Variants in CYP2E1 observed in about 807,000 individuals in gnomAD.
The protein encoded by CYP2E1 is cytochrome P450 2E1.
In CYP2E1, 31 loss-of-function variants were observed where a neutral mutation model predicts 42.9. That is an observed-to-expected ratio of 0.72 (90% CI 0.54 to 0.98). CYP2E1 has a LOEUF of 0.98. Ranked by LOEUF, CYP2E1 falls within the 50% of genes least tolerant of loss-of-function variation. The probability of loss-of-function intolerance (pLI) is 0.00; values close to 1 mark genes in which losing one functional copy is unlikely to be tolerated. For missense variants in CYP2E1, 565 were observed against 633.2 expected (o/e 0.89, Z 1.16); for synonymous variants, 244 against 248.9 (o/e 0.98, Z 0.19).
chr10:133,537,517 A>G (rs994756063), intron 7 of CYP2E1: 11 of 597,076 alleles, frequency 1.8e-5, no homozygotes, highest in African/African-American at 7.4e-5. Context: ...CCAGGAACAA[A>G]CTATCACAAC....
At chr10:133,528,720 TG>T in intron 2 of CYP2E1, 80 bp downstream of exon 2, 1 of 1,525,396 alleles carries the variant, frequency 6.6e-7, no homozygotes. Flanking sequence ...ACGTCGGCGA[TG>T]GCCAAATAAT....
At chr10:133,533,439 G>T (rs982174328) in intron 5 of CYP2E1, among the ~76,000 whole-genome samples, 1 of 152,234 alleles carries the variant, frequency 6.6e-6, no homozygotes, top group African/African-American at 2.4e-5. Context: ...CCCTGTAGCA[G>T]GAGGGGTTAG....
At position 133,538,985 on chromosome 10, in the gene CYP2E1, A is replaced by T; in HGVS notation, c.*21A>T. 1 of 1,544,384 alleles carries T rather than the reference A, an allele frequency of 6.5e-7. No homozygotes were observed. The highest frequency in any genetic ancestry group is 1.3e-5 in the South Asian group (1 of 79,818). Reference sequence around the variant, plus strand: ...CATGAGTGTGTGGAGGACACCCTGAACCCCCCGCTTTCAAACAAGTTTTCA... The same window carrying T: ...CATGAGTGTGTGGAGGACACCCTGATCCCCCCGCTTTCAAACAAGTTTTCA... On this transcript the variant is annotated 3_prime_UTR_variant, in exon 9 of 9. Coordinates refer to ENST00000252945, the MANE Select transcript of CYP2E1 (RefSeq NM_000773.4).
chr10:133,538,678 T>G, intron 8 of CYP2E1, 102 bp from the exon 9 acceptor site: 1 of 1,024,342 alleles, frequency 9.8e-7, no homozygotes, highest in Non-Finnish European at 1.5e-6. Flanking sequence ...GATGGCCGTT[T>G]GCCCACAGCC....
In CYP2E1 at chr10:133,528,604, G is replaced by A; in HGVS notation, c.301G>A (p.Gly101Ser). The A allele has an allele frequency of 1.9e-6, 3 of 1,613,428 alleles. No individual in the cohort carries two copies. The highest frequency in any genetic ancestry group is 2.2e-5 in the East Asian group (1 of 44,850). ...LDYKDEFSGR[G>S]DLPAFHAHRD... The stretch of plus-strand genomic sequence containing the variant: ...CTACAAGGACGAGTTCTCGGGCAGA[G>A]GCGACCTCCCCGCGTTCCATGCGCA... Residue 101 changes from glycine to serine, a missense_variant, in exon 2 of 9, where the codon GGC (glycine) becomes AGC (serine). Coordinates refer to ENST00000252945, the MANE Select transcript of CYP2E1 (RefSeq NM_000773.4).
intron 2 of CYP2E1, among the ~76,000 whole-genome samples, chr10:133,530,100 G>A (rs550735331): frequency 1.1e-4 from 17 of 152,234 alleles, no homozygotes; most frequent in Middle Eastern, 3.4e-3. Flanking sequence ...CCTCTGCCTG[G>A]AGGGTCTAAA....
At chr10:133,535,931 G>A (rs1004620526) in intron 6 of CYP2E1, among the ~76,000 whole-genome samples, 5 of 152,138 alleles carry the variant, frequency 3.3e-5, no homozygotes, top group Non-Finnish European at 5.9e-5. Context: ...TTGCAGCTTG[G>A]TTTTTTCACT....
At chr10:133,530,748 C>G (rs983641869) in intron 2 of CYP2E1, among the ~76,000 whole-genome samples, 1 of 151,938 alleles carries the variant, frequency 6.6e-6, no homozygotes, top group Admixed American at 6.6e-5. Flanking sequence ...AGACGGAGAG[C>G]GAGGGAGAGA....
Position 133,527,371 on chromosome 10 carries a change from C to T in CYP2E1, c.-25C>T, listed in dbSNP as rs577328423. ...CGTTTCCACAGGATTGTCTCCCGGG[C>T]TGGCAGCAGGGCCCCAGCGGCACCA... On this transcript the variant is annotated 5_prime_UTR_variant, in exon 1 of 9. Coordinates refer to ENST00000252945, the MANE Select transcript of CYP2E1 (RefSeq NM_000773.4). The T allele has an allele frequency of 7.6e-6, 12 of 1,583,358 alleles. No individual in the cohort carries two copies. The East Asian group carries it at 1.4e-4, about 18-fold the overall frequency.
chr10:133,529,159 A>G (rs1851308681), intron 2 of CYP2E1, among the ~76,000 whole-genome samples: 1 of 152,200 alleles, frequency 6.6e-6, no homozygotes, highest in Admixed American at 6.5e-5. Context: ...GAAGAGACCC[A>G]CTGAAATCCT....
At position 133,537,942 on chromosome 10, in the gene CYP2E1, C is replaced by G. The variant is rs747625913; in HGVS notation, c.1297+50C>G. 3.8e-6 allele frequency: 6 copies of G among 1,571,866 alleles called. No homozygotes were observed. In the Middle Eastern group the frequency reaches 5.1e-4, roughly 133 times the overall value. On this transcript the variant is annotated intron_variant, in intron 8 of 8. Coordinates refer to ENST00000252945, the MANE Select transcript of CYP2E1 (RefSeq NM_000773.4). ...TTCCCTTGAGGAGCAGCCCACACTC[C>G]TCATCTCCCCTCCACATGTGCTCTG...
chr10:133,538,952 T>TCC lies in CYP2E1; in HGVS notation c.1473_1474dup (p.Arg492ProfsTer48). 1 of 1,612,466 alleles carries TCC rather than the reference T, an allele frequency of 6.2e-7. No individual in the cohort carries two copies. The highest frequency in any genetic ancestry group is 1.1e-5 in the South Asian group (1 of 90,842). Reference sequence around the variant, plus strand: ...CACCACGTTACAAACTCTGTGTCATTCCCCGCTCATGAGTGTGTGGAGGAC... The same window carrying TCC: ...CACCACGTTACAAACTCTGTGTCATTCCCCCCGCTCATGAGTGTGTGGAGGAC... On this transcript the variant is annotated frameshift_variant, in exon 9 of 9. Transcript: ENST00000252945. LOFTEE classifies it high-confidence loss of function.
At chr10:133,531,387 C>T (rs1851333673) in intron 2 of CYP2E1, among the ~76,000 whole-genome samples, 198 bp from the exon 3 acceptor site, 1 of 152,108 alleles carries the variant, frequency 6.6e-6, no homozygotes, top group African/African-American at 2.4e-5. Flanking sequence ...CCCAGAAAGG[C>T]TCCTCCCCAA....
chr10:133,531,742 T>C lies in CYP2E1; in HGVS notation c.487+8T>C. On this transcript the variant is annotated splice_region_variant and intron_variant, in intron 3 of 8. Coordinates refer to ENST00000252945, the MANE Select transcript of CYP2E1 (RefSeq NM_000773.4). ...CACTCAGGAAGACCCAAGGTGCGTA[T>C]CTGCTGCCTAGCAGGGCCCAGTCCT... 1.3e-6 allele frequency: 2 copies of C among 1,580,116 alleles called. No individual in the cohort carries two copies. Among genetic ancestry groups the C allele is most frequent in the East Asian group, 4.5e-5 (2 of 44,772 alleles).
intron 2 of CYP2E1, among the ~76,000 whole-genome samples, chr10:133,529,905 A>G (rs1256628036): frequency 6.6e-6 from 1 of 152,100 alleles, no homozygotes; most frequent in Non-Finnish European, 1.5e-5. Flanking sequence ...TAACCATCTC[A>G]GTCCTTGTCG....
chr10:133,535,875 T>C (rs41299432), intron 6 of CYP2E1, among the ~76,000 whole-genome samples: 1,813 of 152,326 alleles, frequency 0.012, 13 homozygotes, highest in Non-Finnish European at 0.016. Flanking sequence ...ATTCATATTA[T>C]TGCTGTATGT....
chr10:133,533,751 C>T lies in CYP2E1; in HGVS notation c.826-5C>T, dbSNP rs764622035. On this transcript the variant is annotated splice_polypyrimidine_tract_variant and splice_region_variant and intron_variant, in intron 5 of 8. Coordinates refer to ENST00000252945, the MANE Select transcript of CYP2E1 (RefSeq NM_000773.4). The stretch of plus-strand genomic sequence containing the variant: ...TTCTCCTCCGGTCTGTCTCCGGTAT[C>T]ACAGGAAAAGCACAGTGCAGAGCGC... 1.1e-5 allele frequency: 17 copies of T among 1,613,780 alleles called. 1 individual carries two copies. Among genetic ancestry groups the T allele is most frequent in the Non-Finnish European group, 1.4e-5 (17 of 1,179,838 alleles).
At chr10:133,532,462 AC>A (rs1237222354) in intron 4 of CYP2E1, among the ~76,000 whole-genome samples, 178 bp downstream of exon 4, 2 of 151,916 alleles carry the variant, frequency 1.3e-5, no homozygotes, top group Non-Finnish European at 2.9e-5. Flanking sequence ...GGCCCCACGC[AC>A]CCCCTTTCCT....
intron 6 of CYP2E1, among the ~76,000 whole-genome samples, chr10:133,536,811 G>A (rs1301732341): frequency 7.1e-6 from 1 of 140,368 alleles, no homozygotes; most frequent in Non-Finnish European, 1.6e-5. Flanking sequence ...ATGGATGGGT[G>A]GTTGGATGGA....
Sources: allele counts gnomAD v4.1 joint callset (sites outside exome capture counted in the v4.1 genomes callset), GRCh38; gene constraint gnomAD v4.1.1; transcripts MANE v1.5; gene names NCBI Gene and HGNC (gene_info 2026-07-23, HGNC 2026-07-21).